FAR2: variants seen among roughly 807,000 people sequenced by gnomAD.
FAR2 encodes epididymis secretory protein Li 81.
FAR2 carries 19 observed loss-of-function variants against 56.0 expected under a neutral mutation model. That is an observed-to-expected ratio of 0.34 (90% confidence interval 0.24 to 0.50). FAR2 has a LOEUF of 0.50. Among genes scored for constraint, FAR2 ranks in the 20% least tolerant of loss-of-function variants. FAR2 has a pLI of 0.98. For missense variants in FAR2, 508 were observed against 642.2 expected, an observed-to-expected ratio of 0.79 and a Z score of 2.26; for synonymous variants, 219 against 218.8, an observed-to-expected ratio of 1.00 and a Z score of -0.01.
chr12:29,317,158 T>C (rs1949464594), intron 9 of FAR2, 146 bp downstream of exon 9: 1 of 840,404 alleles, frequency 1.2e-6, no homozygotes, highest in Non-Finnish European at 1.7e-6. Flanking sequence ...AATCTGAAAA[T>C]CCAAAATCTG....
At chr12:29,235,157 A>C (rs1288694315) in intron 1 of FAR2, among the ~76,000 whole-genome samples, 1 of 152,192 alleles carries the variant, frequency 6.6e-6, no homozygotes, top group Non-Finnish European at 1.5e-5. Context: ...TGCTGGCTAC[A>C]TAACAGGTAC....
chr12:29,315,655 T>C (rs1187846411), intron 8 of FAR2, among the ~76,000 whole-genome samples: 1 of 152,132 alleles, frequency 6.6e-6, no homozygotes, highest in African/African-American at 2.4e-5. Flanking sequence ...AACAGAAGGC[T>C]GATAGATTTT....
chr12:29,164,355 A>G (rs1484801865), intron 1 of FAR2, among the ~76,000 whole-genome samples: 1 of 152,138 alleles, frequency 6.6e-6, no homozygotes, highest in Non-Finnish European at 1.5e-5. Flanking sequence ...TCATGCCTGC[A>G]TCTAGACAGG....
intron 1 of FAR2, among the ~76,000 whole-genome samples, chr12:29,211,808 C>G (rs1013827689): frequency 6.6e-6 from 1 of 151,052 alleles, no homozygotes; most frequent in Admixed American, 6.6e-5. Flanking sequence ...TTGGAAATAA[C>G]TGTTGTCACA....
intron 1 of FAR2, among the ~76,000 whole-genome samples, chr12:29,240,521 G>T (rs946593075): frequency 8.0e-5 from 12 of 149,112 alleles, no homozygotes; most frequent in Admixed American, 2.7e-4. Flanking sequence ...AAAATGGGTT[G>T]TTTTTTTTTT....
intron 1 of FAR2, among the ~76,000 whole-genome samples, chr12:29,252,008 C>A (rs1200129559): frequency 6.6e-6 from 1 of 152,104 alleles, no homozygotes; most frequent in African/African-American, 2.4e-5. Context: ...AGAAATGCTG[C>A]CACAAAGAGA....
chr12:29,173,842 A>G (rs1168190112), intron 1 of FAR2, among the ~76,000 whole-genome samples: 1 of 152,120 alleles, frequency 6.6e-6, no homozygotes, highest in Non-Finnish European at 1.5e-5. Flanking sequence ...CAGAAACACT[A>G]GTTTTCCTCC....
intron 2 of FAR2, among the ~76,000 whole-genome samples, chr12:29,290,960 A>C (rs1948955305): frequency 6.6e-6 from 1 of 152,210 alleles, no homozygotes; most frequent in South Asian, 2.1e-4. Context: ...ATAGTCAATA[A>C]TAATGGTACA....
chr12:29,154,793 A>C (rs967666500), intron 1 of FAR2, among the ~76,000 whole-genome samples: 3 of 152,204 alleles, frequency 2.0e-5, no homozygotes, highest in African/African-American at 7.2e-5. Context: ...AATAATCAAG[A>C]AAAGAGAGAT....
At chr12:29,258,725 T>TAATG (rs1948369527) in intron 1 of FAR2, among the ~76,000 whole-genome samples, 1 of 152,234 alleles carries the variant, frequency 6.6e-6, no homozygotes, top group Non-Finnish European at 1.5e-5. Flanking sequence ...ATACAGCAAC[T>TAATG]AATGCTAAAT....
chr12:29,208,158 A>T (rs574126142), intron 1 of FAR2, among the ~76,000 whole-genome samples: 6 of 152,276 alleles, frequency 3.9e-5, no homozygotes, highest in Non-Finnish European at 8.8e-5. Context: ...GCTGGGCAAG[A>T]GCTTTGAGCA....
At chr12:29,332,411 C>T (rs1949742940) in intron 10 of FAR2, among the ~76,000 whole-genome samples, 189 bp from the exon 11 acceptor site, 1 of 152,066 alleles carries the variant, frequency 6.6e-6, no homozygotes. Flanking sequence ...TTAAATATTC[C>T]TATGTAAATA....
At chr12:29,220,017 T>C (rs754094443) in intron 1 of FAR2, among the ~76,000 whole-genome samples, 1 of 152,214 alleles carries the variant, frequency 6.6e-6, no homozygotes, top group Admixed American at 6.5e-5. Context: ...CAAGGAATTT[T>C]AGAGCTAGTG....
At chr12:29,238,365 C>T (rs1361260699) in intron 1 of FAR2, among the ~76,000 whole-genome samples, 2 of 151,858 alleles carry the variant, frequency 1.3e-5, no homozygotes, top group Non-Finnish European at 2.9e-5. Flanking sequence ...TAAAACAGTG[C>T]CAATTTTCTC....
chr12:29,179,648 T>G (rs1452472692), intron 1 of FAR2, among the ~76,000 whole-genome samples: 1 of 152,148 alleles, frequency 6.6e-6, no homozygotes, highest in Non-Finnish European at 1.5e-5. Context: ...CCATGGCCAT[T>G]CTATCTTGTA....
chr12:29,260,419 G>T (rs943393856), intron 1 of FAR2, among the ~76,000 whole-genome samples: 1 of 152,166 alleles, frequency 6.6e-6, no homozygotes, highest in Non-Finnish European at 1.5e-5. Flanking sequence ...GGTAATGAGG[G>T]CCAGAAGATA....
chr12:29,220,657 C>A (rs1015713605), intron 1 of FAR2, among the ~76,000 whole-genome samples: 1 of 152,086 alleles, frequency 6.6e-6, no homozygotes, highest in Admixed American at 6.5e-5. Flanking sequence ...AGTGTAACAT[C>A]CCAGTCACAC....
chr12:29,296,117 T>C (rs1949067616), intron 3 of FAR2, among the ~76,000 whole-genome samples: 1 of 152,270 alleles, frequency 6.6e-6, no homozygotes, highest in Admixed American at 6.5e-5. Flanking sequence ...ATAGTACATT[T>C]CAGTTTTTTT....
chr12:29,232,821 G>GCACACACACACACACACACA lies in FAR2; in HGVS notation c.-38-37584_-38-37565dup, dbSNP rs71042969. On this transcript the variant is annotated intron_variant, in intron 1 of 11. Coordinates refer to ENST00000536681, the MANE Select transcript of FAR2 (RefSeq NM_001271783.2). The stretch of plus-strand genomic sequence containing the variant: ...CACACACACACACATACGCGCTCGC[G>GCACACACACACACACACACA]CACACACACACACACACACACACAC... Among the ~76,000 whole-genome samples the GCACACACACACACACACACA allele has an allele frequency of 1.9e-4, 28 of 145,950 alleles. No homozygotes were observed. The East Asian group carries it at 4.9e-3, about 25-fold the overall frequency.
Sources: allele counts gnomAD v4.1 joint callset (sites outside exome capture counted in the v4.1 genomes callset), GRCh38; gene constraint gnomAD v4.1.1; transcripts MANE v1.5; gene names NCBI Gene and HGNC (gene_info 2026-07-23, HGNC 2026-07-21).